The following PLCB1 variants were observed in gnomAD, a reference collection of about 807,000 sequenced individuals.
PLCB1 encodes phospholipase C beta 1.
A neutral mutation model predicts 161.8 loss-of-function variants in PLCB1; 46 were observed. The observed-to-expected ratio is 0.28, with a 90% CI of 0.22 to 0.36. PLCB1 has a LOEUF of 0.36. Ranked by LOEUF, PLCB1 falls within the 10% of genes least tolerant of loss-of-function variation. The pLI, the probability that PLCB1 is intolerant of heterozygous loss-of-function variation, is 1.00. For synonymous variants in PLCB1, 517 were observed against 503.7 expected (o/e 1.03, Z -0.35); for missense variants, 1,016 against 1,472.5 (o/e 0.69, Z 5.07).
intron 3 of PLCB1, among the ~76,000 whole-genome samples, chr20:8,558,899 T>C (rs74657989): frequency 0.022 from 3,304 of 152,016 alleles, 117 homozygotes; most frequent in African/African-American, 0.073. Flanking sequence ...TAAAAGCTGA[T>C]AGAGTTTTTC....
intron 3 of PLCB1, among the ~76,000 whole-genome samples, chr20:8,504,749 G>T (rs1256444770): frequency 1.4e-5 from 2 of 146,266 alleles, no homozygotes; most frequent in African/African-American, 2.5e-5. Context: ...GGAATGTTTG[G>T]CTCCAAAAAA....
At chr20:8,722,251 C>A (rs1416644510) in intron 14 of PLCB1, 103 bp from the exon 15 acceptor site, 10 of 842,740 alleles carry the variant, frequency 1.2e-5, no homozygotes, top group Non-Finnish European at 1.7e-5. Flanking sequence ...AGCCCAACTT[C>A]CAAGGAAATC....
intron 3 of PLCB1, among the ~76,000 whole-genome samples, chr20:8,542,903 C>A (rs914477077): frequency 6.6e-6 from 1 of 152,172 alleles, no homozygotes; most frequent in African/African-American, 2.4e-5. Flanking sequence ...ATTTAAAAGT[C>A]ATTCACTCAT....
intron 2 of PLCB1, among the ~76,000 whole-genome samples, chr20:8,236,831 T>C (rs1534897): frequency 0.89 from 134,513 of 151,904 alleles, 59,834 homozygotes; most frequent in African/African-American, 0.96. Context: ...GAAAGTAAAG[T>C]CCCCCAAAGA....
chr20:8,277,136 G>T (rs1243868057), intron 2 of PLCB1, among the ~76,000 whole-genome samples: 1 of 151,730 alleles, frequency 6.6e-6, no homozygotes, highest in African/African-American at 2.4e-5. Context: ...GAGTAGCTGG[G>T]ACTACAGGTG....
At chr20:8,682,092 A>G (rs1380074251) in intron 9 of PLCB1, among the ~76,000 whole-genome samples, 1 of 152,140 alleles carries the variant, frequency 6.6e-6, no homozygotes, top group African/African-American at 2.4e-5. Context: ...TTTTCTGTGC[A>G]TTTATCGTAT....
rs1373381067 is a variant in PLCB1 at position 8,733,244 on chromosome 20, C to G, written c.1895C>G (p.Ala632Gly). ...TTGTGTTTTTGATACTCAGACCTGG[C>G]TATGCAAATAAATATGGGGATGTAT... ...VALNFQTMDL[A>G]MQINMGMYEY... The change falls in exon 19 of 32, where the codon GCT (alanine) becomes GGT (glycine). Residue 632 changes from alanine to glycine, a missense_variant. Coordinates refer to ENST00000338037, the MANE Select transcript of PLCB1 (RefSeq NM_015192.4). 2.5e-6 allele frequency: 4 copies of G among 1,613,696 alleles called. No individual in the cohort carries two copies. Among genetic ancestry groups the G allele is most frequent in the Non-Finnish European group, 3.4e-6 (4 of 1,179,722 alleles).
chr20:8,185,324 A>T (rs2051891452), intron 2 of PLCB1, among the ~76,000 whole-genome samples: 1 of 152,198 alleles, frequency 6.6e-6, no homozygotes, highest in African/African-American at 2.4e-5. Flanking sequence ...GCTGCTTATA[A>T]CATTCTAACT....
chr20:8,639,285 G>A (rs1355304333), intron 4 of PLCB1, among the ~76,000 whole-genome samples: 1 of 152,202 alleles, frequency 6.6e-6, no homozygotes, highest in Non-Finnish European at 1.5e-5. Flanking sequence ...TTTGGGAACA[G>A]AGTGTTGTGC....
At chr20:8,593,128 TG>T (rs1987201818) in intron 3 of PLCB1, among the ~76,000 whole-genome samples, 1 of 152,142 alleles carries the variant, frequency 6.6e-6, no homozygotes, top group East Asian at 1.9e-4. Flanking sequence ...CCCCATCTTT[TG>T]CCCCAACTCT....
intron 2 of PLCB1, among the ~76,000 whole-genome samples, chr20:8,205,359 C>T (rs1978469813): frequency 6.6e-6 from 1 of 152,158 alleles, no homozygotes; most frequent in Admixed American, 6.6e-5. Context: ...TGAAATTCTT[C>T]AAGCTTCTCG....
intron 3 of PLCB1, among the ~76,000 whole-genome samples, chr20:8,382,339 G>A (rs1987283278): frequency 6.8e-6 from 1 of 147,930 alleles, no homozygotes; most frequent in South Asian, 2.1e-4. Context: ...CTGAAGTGCA[G>A]TGGTGTGATC....
chr20:8,627,977 T>C (rs1988409899), intron 3 of PLCB1, among the ~76,000 whole-genome samples: 1 of 152,188 alleles, frequency 6.6e-6, no homozygotes, highest in South Asian at 2.1e-4. Flanking sequence ...AGATTTTTCA[T>C]TGCAATACAC....
intron 31 of PLCB1, among the ~76,000 whole-genome samples, chr20:8,801,229 A>G (rs1221076923): frequency 6.6e-6 from 1 of 152,036 alleles, no homozygotes; most frequent in Non-Finnish European, 1.5e-5. Context: ...TCATCTCCCA[A>G]GTGTCTGTTT....
intron 31 of PLCB1, among the ~76,000 whole-genome samples, chr20:8,813,183 A>C (rs1351337133): frequency 1.3e-5 from 2 of 152,194 alleles, no homozygotes; most frequent in Non-Finnish European, 2.9e-5. Flanking sequence ...CATGGAACAA[A>C]AGGCACACTG....
chr20:8,849,142 C>A (rs139580805), intron 31 of PLCB1, among the ~76,000 whole-genome samples: 1 of 152,152 alleles, frequency 6.6e-6, no homozygotes, highest in South Asian at 2.1e-4. Context: ...TATATGTGGT[C>A]GTAGAAATAA....
chr20:8,176,643 C>T (rs1023989290), intron 2 of PLCB1, among the ~76,000 whole-genome samples: 1 of 152,096 alleles, frequency 6.6e-6, no homozygotes, highest in Non-Finnish European at 1.5e-5. Flanking sequence ...CACCCACACA[C>T]GCAAGTCAAA....
chr20:8,629,905 TC>T (rs1276365937), intron 4 of PLCB1, among the ~76,000 whole-genome samples: 1 of 109,522 alleles, frequency 9.1e-6, no homozygotes, highest in African/African-American at 3.4e-5. Context: ...TTTCTTTCTT[TC>T]TCTTTCCTTT....
intron 31 of PLCB1, among the ~76,000 whole-genome samples, chr20:8,857,824 C>T (rs1485561936): frequency 6.6e-6 from 1 of 151,994 alleles, no homozygotes; most frequent in Admixed American, 6.6e-5. Context: ...AGAAACTGAC[C>T]ATCCCTTCTA....
Sources: gnomAD v4.1 joint callset for allele counts (sites outside exome capture counted in the v4.1 genomes callset) on GRCh38, gnomAD v4.1.1 for gene constraint, MANE v1.5 for transcripts, NCBI Gene and HGNC (gene_info 2026-07-23, HGNC 2026-07-21) for gene names.